Variants in VPS13A observed in about 807,000 individuals in gnomAD.
VPS13A encodes intermembrane lipid transfer protein VPS13A.
A neutral mutation model predicts 390.9 loss-of-function variants in VPS13A; 264 were observed. The ratio of observed to expected loss-of-function variants is 0.68; its 90% confidence interval spans 0.61 to 0.75. The LOEUF (loss-of-function observed/expected upper bound fraction) is 0.75, where lower values mean the gene tolerates loss of function less well. VPS13A is among the 30% of genes least tolerant of loss of function. The probability of loss-of-function intolerance (pLI) is 0.00; values close to 1 mark genes in which losing one functional copy is unlikely to be tolerated. For missense variants in VPS13A, 3,409 were observed against 3,733.9 expected (o/e 0.91, Z 2.27); for synonymous variants, 1,231 against 1,227.1 (o/e 1.00, Z -0.07).
intron 68 of VPS13A, chr9:77,382,613 A>G (rs1464646851): frequency 2.9e-6 from 3 of 1,039,698 alleles, no homozygotes; most frequent in Non-Finnish European, 2.3e-6. Flanking sequence ...TATAATCCTT[A>G]TATCCAATTA....
intron 68 of VPS13A, among the ~76,000 whole-genome samples, chr9:77,395,305 G>A (rs1052782947): frequency 1.3e-5 from 2 of 152,284 alleles, no homozygotes; most frequent in Middle Eastern, 3.4e-3. Flanking sequence ...CTCAAGGAGA[G>A]GGAGAGGATT....
intron 71 of VPS13A, among the ~76,000 whole-genome samples, chr9:77,411,640 G>T (rs1285237889): frequency 7.0e-5 from 7 of 99,848 alleles, no homozygotes; most frequent in Admixed American, 4.6e-4. Flanking sequence ...TCCAGCCTAG[G>T]CAACAGCAAA....
chr9:77,184,083 T>G (rs1276655498), intron 1 of VPS13A, among the ~76,000 whole-genome samples: 1 of 152,234 alleles, frequency 6.6e-6, no homozygotes, highest in Admixed American at 6.5e-5. Flanking sequence ...AGGTAAAATT[T>G]ATGTAGAAGA....
chr9:77,394,248 G>A (rs1166299718), intron 68 of VPS13A, among the ~76,000 whole-genome samples: 1 of 143,688 alleles, frequency 7.0e-6, no homozygotes, highest in Admixed American at 7.1e-5. Flanking sequence ...TTTTTTTTCT[G>A]TAGAGATGGG....
At chr9:77,246,824 A>T (rs533188786) in intron 19 of VPS13A, among the ~76,000 whole-genome samples, 1 of 152,290 alleles carries the variant, frequency 6.6e-6, no homozygotes, top group Admixed American at 6.5e-5. Context: ...AGATGATTTG[A>T]TAATCCAGGA....
intron 50 of VPS13A, among the ~76,000 whole-genome samples, chr9:77,341,995 G>A (rs987997234): frequency 6.6e-6 from 1 of 152,036 alleles, no homozygotes; most frequent in Non-Finnish European, 1.5e-5. Context: ...TCTAATGTGG[G>A]AAAGTCTGAT....
At chr9:77,295,380 AAATT>A (rs1228940866) in intron 32 of VPS13A, among the ~76,000 whole-genome samples, 158 bp from the exon 33 acceptor site, 1 of 152,152 alleles carries the variant, frequency 6.6e-6, no homozygotes, top group African/African-American at 2.4e-5. Context: ...TTGTGGCAGA[AAATT>A]AAGATTTAAT....
intron 48 of VPS13A, 72 bp from the exon 49 acceptor site, chr9:77,340,106 T>C: frequency 4.8e-6 from 7 of 1,450,636 alleles, no homozygotes; most frequent in Non-Finnish European, 6.8e-6. Flanking sequence ...TGCTAAAAAG[T>C]AATTTATCAG....
intron 61 of VPS13A, among the ~76,000 whole-genome samples, chr9:77,367,233 A>G (rs779160219): frequency 2.0e-5 from 3 of 152,172 alleles, no homozygotes; most frequent in Non-Finnish European, 4.4e-5. Flanking sequence ...AGCATTTGCA[A>G]CTAGAACAGA....
intron 1 of VPS13A, among the ~76,000 whole-genome samples, chr9:77,193,467 C>T (rs1035381427): frequency 1.3e-5 from 2 of 152,026 alleles, no homozygotes; most frequent in Non-Finnish European, 2.9e-5. Context: ...AACCCTGTCT[C>T]TAATTAAAAT....
intron 31 of VPS13A, among the ~76,000 whole-genome samples, chr9:77,284,291 T>C (rs370392248): frequency 1.5e-4 from 23 of 152,156 alleles, no homozygotes; most frequent in African/African-American, 5.1e-4. Flanking sequence ...ACTGAAGTAC[T>C]TGTTGAGTCA....
intron 1 of VPS13A, among the ~76,000 whole-genome samples, chr9:77,196,675 G>A (rs12156522): frequency 7.0e-6 from 1 of 143,444 alleles, no homozygotes; most frequent in Admixed American, 7.0e-5. Context: ...GTTTTGTTTT[G>A]TTTTTTTTTT....
chr9:77,394,579 C>T (rs1204139348), intron 68 of VPS13A, among the ~76,000 whole-genome samples: 1 of 152,210 alleles, frequency 6.6e-6, no homozygotes, highest in Non-Finnish European at 1.5e-5. Context: ...TAGCCCCTAA[C>T]AAGAGAATCC....
At chr9:77,373,509 G>A (rs1255185432) in intron 67 of VPS13A, among the ~76,000 whole-genome samples, 2 of 134,188 alleles carry the variant, frequency 1.5e-5, no homozygotes, top group Non-Finnish European at 3.2e-5. Flanking sequence ...AGACTTAAAC[G>A]TTAGACCTAA....
intron 68 of VPS13A, among the ~76,000 whole-genome samples, chr9:77,383,524 C>A (rs1833545162): frequency 6.6e-6 from 1 of 151,940 alleles, no homozygotes; most frequent in African/African-American, 2.4e-5. Flanking sequence ...GACTAAAAAT[C>A]AAATATAGTA....
Position 77,356,700 on chromosome 9 carries a change from C to G in VPS13A, c.7653-14C>G. On this transcript the variant is annotated splice_polypyrimidine_tract_variant and intron_variant, in intron 54 of 71. Coordinates refer to ENST00000360280, the MANE Select transcript of VPS13A (RefSeq NM_033305.3). ...TTAGTATTAAATACTATGATTTTTG[C>G]TTTCTTAAATAAGTTCTGATGTGGT... 2 of 1,596,738 alleles carry G rather than the reference C, an allele frequency of 1.3e-6. No homozygotes were observed. Among genetic ancestry groups the G allele is most frequent in the Non-Finnish European group, 1.7e-6 (2 of 1,170,202 alleles).
chr9:77,370,014 T>G (rs1832659165), intron 63 of VPS13A, among the ~76,000 whole-genome samples: 2 of 152,222 alleles, frequency 1.3e-5, no homozygotes, highest in Admixed American at 6.5e-5. Context: ...CACCTTTCTG[T>G]ACTTTGGTGA....
intron 68 of VPS13A, among the ~76,000 whole-genome samples, chr9:77,390,639 C>G (rs1483887156): frequency 1.7e-5 from 2 of 116,492 alleles, no homozygotes; most frequent in African/African-American, 6.4e-5. Flanking sequence ...CCCGCCACCC[C>G]TCCCCCCACC....
chr9:77,370,191 C>A, intron 63 of VPS13A, 66 bp from the exon 64 acceptor site: 1 of 1,563,284 alleles, frequency 6.4e-7, no homozygotes, highest in Non-Finnish European at 8.8e-7. Flanking sequence ...TCGTATATAT[C>A]CGTAAGCTCA....
Sources: gnomAD v4.1 joint callset for allele counts (sites outside exome capture counted in the v4.1 genomes callset) on GRCh38, gnomAD v4.1.1 for gene constraint, MANE v1.5 for transcripts, NCBI Gene and HGNC (gene_info 2026-07-23, HGNC 2026-07-21) for gene names.